THSD7B: variants seen among roughly 807,000 people sequenced by gnomAD.
THSD7B encodes thrombospondin type-1 domain-containing protein 7B.
In THSD7B, 138 loss-of-function variants were observed where a neutral mutation model predicts 213.6. That is an observed-to-expected ratio of 0.65 (90% CI 0.56 to 0.74). THSD7B has a LOEUF of 0.74. THSD7B is among the 30% of genes least tolerant of loss of function. The probability of loss-of-function intolerance (pLI) is 0.00; values close to 1 mark genes in which losing one functional copy is unlikely to be tolerated. For missense variants in THSD7B, 1,931 were observed against 1,991.5 expected (o/e 0.97, Z 0.58); for synonymous variants, 742 against 687.0 (o/e 1.08, Z -1.25).
chr2:136,864,701 A>C (rs1274220619), intron 1 of THSD7B, among the ~76,000 whole-genome samples: 1 of 152,126 alleles, frequency 6.6e-6, no homozygotes, highest in Non-Finnish European at 1.5e-5. Context: ...CACAGGCTCC[A>C]GCCACCATGC....
intron 15 of THSD7B, among the ~76,000 whole-genome samples, chr2:137,528,473 G>A (rs1271211664): frequency 6.6e-6 from 1 of 152,080 alleles, no homozygotes; most frequent in Non-Finnish European, 1.5e-5. Flanking sequence ...CTGGAATATT[G>A]TAAATTAAAC....
intron 10 of THSD7B, among the ~76,000 whole-genome samples, chr2:137,245,262 C>T (rs1266438756): frequency 6.6e-6 from 1 of 152,172 alleles, no homozygotes; most frequent in Non-Finnish European, 1.5e-5. Context: ...TGCTATGTAG[C>T]AGATATATTA....
chr2:137,323,958 GA>G (rs1364441639), intron 12 of THSD7B, among the ~76,000 whole-genome samples: 1 of 152,094 alleles, frequency 6.6e-6, no homozygotes, highest in Non-Finnish European at 1.5e-5. Flanking sequence ...TAATCATTTT[GA>G]AAGTGAATTT....
chr2:136,877,298 C>T (rs902907742), intron 1 of THSD7B, among the ~76,000 whole-genome samples: 6 of 152,092 alleles, frequency 3.9e-5, no homozygotes, highest in Admixed American at 1.3e-4. Context: ...TTAGCAAAAG[C>T]GCAGTTGTGA....
intron 12 of THSD7B, among the ~76,000 whole-genome samples, chr2:137,281,861 C>T (rs1413631738): frequency 6.6e-6 from 1 of 152,210 alleles, no homozygotes; most frequent in Non-Finnish European, 1.5e-5. Flanking sequence ...CTGCAATAAA[C>T]ACACGTGTGC....
intron 2 of THSD7B, among the ~76,000 whole-genome samples, chr2:136,894,882 C>G (rs1683928384): frequency 6.6e-6 from 1 of 152,092 alleles, no homozygotes. Flanking sequence ...TATTGGGCCT[C>G]CAATATTTTC....
intron 2 of THSD7B, among the ~76,000 whole-genome samples, chr2:136,939,223 A>G (rs918147465): frequency 2.0e-5 from 3 of 152,090 alleles, no homozygotes; most frequent in African/African-American, 7.2e-5. Flanking sequence ...AGTGTAACCA[A>G]TCATCATGTG....
At chr2:137,030,187 C>A (rs1444747270) in intron 2 of THSD7B, among the ~76,000 whole-genome samples, 1 of 151,984 alleles carries the variant, frequency 6.6e-6, no homozygotes, top group Non-Finnish European at 1.5e-5. Flanking sequence ...CGTATACAGA[C>A]AACAAGAGAT....
chr2:137,380,861 C>T (rs1055233004), intron 12 of THSD7B, among the ~76,000 whole-genome samples: 2 of 152,236 alleles, frequency 1.3e-5, no homozygotes, highest in African/African-American at 4.8e-5. Context: ...CCCACATGAG[C>T]TCGTGCTTGG....
At chr2:136,804,780 A>G (rs1219062685) in intron 1 of THSD7B, among the ~76,000 whole-genome samples, 1 of 152,148 alleles carries the variant, frequency 6.6e-6, no homozygotes, top group African/African-American at 2.4e-5. Flanking sequence ...CCTTAAGTAA[A>G]AAAGCTTGCT....
Position 137,264,811 on chromosome 2 carries a change from T to A in THSD7B, c.2267-7722T>A, listed in dbSNP as rs11687824. On this transcript the variant is annotated intron_variant, in intron 10 of 27. Coordinates refer to ENST00000409968, the MANE Select transcript of THSD7B (RefSeq NM_001316349.2). ...CGCAAAAGAGCCTTCTTTTTTTTTT[T>A]AAATTTTTTTTATTTTTTATTTATT... Among the ~76,000 whole-genome samples, 291 of 151,412 alleles carry A rather than the reference T, an allele frequency of 1.9e-3. 3 individuals are homozygous for A. The highest frequency in any genetic ancestry group is 3.0e-3 in the Non-Finnish European group (205 of 67,818).
chr2:137,623,279 T>C (rs540019099), intron 20 of THSD7B, among the ~76,000 whole-genome samples: 17 of 152,186 alleles, frequency 1.1e-4, no homozygotes, highest in South Asian at 4.2e-4. Flanking sequence ...AATTCAACAG[T>C]CCTTCATGCT....
At chr2:137,518,162 C>T (rs1680110103) in intron 15 of THSD7B, among the ~76,000 whole-genome samples, 1 of 152,146 alleles carries the variant, frequency 6.6e-6, no homozygotes, top group Admixed American at 6.5e-5. Context: ...CCACTCCTGC[C>T]ACCCTGCCTT....
intron 10 of THSD7B, among the ~76,000 whole-genome samples, chr2:137,250,072 T>A (rs1263681163): frequency 2.0e-5 from 3 of 152,180 alleles, no homozygotes; most frequent in Non-Finnish European, 2.9e-5. Context: ...TGCTACATTG[T>A]CTGTCCTGGT....
chr2:137,083,200 G>C (rs1573811918), intron 3 of THSD7B, among the ~76,000 whole-genome samples: 1 of 152,046 alleles, frequency 6.6e-6, no homozygotes, highest in African/African-American at 2.4e-5. Context: ...TCTCCCATTA[G>C]TTGTAAACAC....
At chr2:137,609,983 C>G (rs1447309568) in intron 17 of THSD7B, among the ~76,000 whole-genome samples, 1 of 152,048 alleles carries the variant, frequency 6.6e-6, no homozygotes, top group Non-Finnish European at 1.5e-5. Context: ...AAATTGACTT[C>G]AAACTTTTTG....
chr2:137,030,175 A>G (rs1686638598), intron 2 of THSD7B, among the ~76,000 whole-genome samples: 1 of 152,194 alleles, frequency 6.6e-6, no homozygotes, highest in African/African-American at 2.4e-5. Context: ...CATTGTTTAC[A>G]TCGTATACAG....
intron 3 of THSD7B, among the ~76,000 whole-genome samples, chr2:137,069,437 A>G (rs13431780): frequency 0.42 from 63,614 of 151,466 alleles, 16,672 homozygotes; most frequent in African/African-American, 0.74. Flanking sequence ...TATTGTTTGC[A>G]TGAATGAAAA....
intron 17 of THSD7B, among the ~76,000 whole-genome samples, chr2:137,592,333 A>T (rs1370434980): frequency 6.6e-6 from 1 of 151,770 alleles, no homozygotes; most frequent in Non-Finnish European, 1.5e-5. Context: ...GATTATTTTC[A>T]TCAGTTTCTG....
Sources: gnomAD v4.1 joint callset for allele counts (sites outside exome capture counted in the v4.1 genomes callset) on GRCh38, gnomAD v4.1.1 for gene constraint, MANE v1.5 for transcripts, NCBI Gene and HGNC (gene_info 2026-07-23, HGNC 2026-07-21) for gene names.